The following TTC27 variants were observed in gnomAD, a reference collection of about 807,000 sequenced individuals.
The protein encoded by TTC27 is tetratricopeptide repeat protein 27.
TTC27 carries 79 observed loss-of-function variants against 115.9 expected under a neutral mutation model. The observed-to-expected ratio is 0.68, with a 90% CI of 0.57 to 0.82. The LOEUF is 0.82. TTC27 is among the 40% of genes least tolerant of loss of function. TTC27 has a pLI of 0.00. For missense variants in TTC27, 1,054 were observed against 993.1 expected (o/e 1.06, Z -0.82); for synonymous variants, 401 against 356.0 (o/e 1.13, Z -1.42).
intron 12 of TTC27, among the ~76,000 whole-genome samples, chr2:32,745,655 C>G (rs550344903): frequency 6.6e-6 from 1 of 150,552 alleles, no homozygotes; most frequent in Admixed American, 6.6e-5. Flanking sequence ...TTTTTTTTGC[C>G]TAACTCAGTA....
At chr2:32,654,085 G>T in intron 5 of TTC27, among the ~76,000 whole-genome samples, 1 of 152,070 alleles carries the variant, frequency 6.6e-6, no homozygotes, top group East Asian at 1.9e-4. Flanking sequence ...GTTTGGAAAG[G>T]CCCTTTAGAG....
Position 32,648,554 on chromosome 2 carries a change from G to A in TTC27, c.538-1577G>A, listed in dbSNP as rs190082592. On this transcript the variant is annotated intron_variant, in intron 4 of 19. Coordinates refer to ENST00000317907, the MANE Select transcript of TTC27 (RefSeq NM_017735.5). ...AGCCTCCTGAGTAGCTGGGATTATA[G>A]GTGTGAGGTACCATACCTGGCCATA... 6.3e-3 allele frequency among the ~76,000 whole-genome samples: 961 copies of A among 151,432 alleles called. 10 individuals carry two copies. The highest frequency in any genetic ancestry group is 0.021 in the African/African-American group (874 of 41,270).
intron 16 of TTC27, among the ~76,000 whole-genome samples, chr2:32,798,704 C>CAAAAAAA (rs1168987401): frequency 0.019 from 2,352 of 120,926 alleles, 93 homozygotes; most frequent in African/African-American, 0.069. Flanking sequence ...GACTCCAGCT[C>CAAAAAAA]AAAAAAAAAA....
chr2:32,704,508 T>C (rs1667299773), intron 10 of TTC27, among the ~76,000 whole-genome samples: 1 of 152,096 alleles, frequency 6.6e-6, no homozygotes, highest in Admixed American at 6.6e-5. Flanking sequence ...TTTTATTTTA[T>C]AAAAATTTCA....
intron 10 of TTC27, among the ~76,000 whole-genome samples, chr2:32,707,533 G>C (rs969167372): frequency 7.2e-5 from 11 of 152,046 alleles, no homozygotes; most frequent in Admixed American, 1.3e-4. Flanking sequence ...ATTCTGTCTT[G>C]CTCAAGTCTA....
At chr2:32,750,830 T>C (rs1239027684) in intron 12 of TTC27, among the ~76,000 whole-genome samples, 1 of 152,228 alleles carries the variant, frequency 6.6e-6, no homozygotes, top group East Asian at 1.9e-4. Context: ...TAATAACAAG[T>C]ATTAATACCA....
intron 12 of TTC27, among the ~76,000 whole-genome samples, chr2:32,741,203 C>G (rs1192922970): frequency 6.6e-6 from 1 of 152,180 alleles, no homozygotes; most frequent in African/African-American, 2.4e-5. Context: ...AGATTGCTTT[C>G]TACAGAGAGC....
At chr2:32,635,041 A>G (rs796560373) in intron 3 of TTC27, among the ~76,000 whole-genome samples, 54 of 152,226 alleles carry the variant, frequency 3.5e-4, no homozygotes, top group African/African-American at 1.3e-3. Flanking sequence ...CAAATACTTT[A>G]TTAAAGTTTC....
intron 13 of TTC27, among the ~76,000 whole-genome samples, chr2:32,769,597 G>A (rs769482868): frequency 6.6e-6 from 1 of 152,124 alleles, no homozygotes; most frequent in Non-Finnish European, 1.5e-5. Context: ...AATATTGTAA[G>A]GAGAGAGGGG....
intron 10 of TTC27, among the ~76,000 whole-genome samples, chr2:32,709,648 C>T (rs1487187483): frequency 1.3e-5 from 2 of 151,994 alleles, no homozygotes; most frequent in African/African-American, 4.8e-5. Flanking sequence ...CTGGACCTGT[C>T]CTCTGCCTTC....
At chr2:32,784,528 A>T (rs7607216) in intron 15 of TTC27, among the ~76,000 whole-genome samples, 18,042 of 152,200 alleles carry the variant, frequency 0.12, 1,229 homozygotes, top group Middle Eastern at 0.24. Flanking sequence ...TGCTGTTTCA[A>T]CTGATTCCCC....
At chr2:32,657,353 C>CTTTTTTT (rs988569906) in intron 5 of TTC27, among the ~76,000 whole-genome samples, 1 of 128,328 alleles carries the variant, frequency 7.8e-6, no homozygotes, top group Non-Finnish European at 1.7e-5. Flanking sequence ...CACTGTCTTT[C>CTTTTTTT]TTTTTTTTTT....
At chr2:32,752,385 A>G (rs1176847997) in intron 12 of TTC27, among the ~76,000 whole-genome samples, 3 of 152,172 alleles carry the variant, frequency 2.0e-5, no homozygotes, top group African/African-American at 7.2e-5. Context: ...TACACAAAGG[A>G]ATTTCTGGCA....
chr2:32,665,549 A>C (rs1665739088), intron 6 of TTC27, among the ~76,000 whole-genome samples: 1 of 152,206 alleles, frequency 6.6e-6, no homozygotes, highest in African/African-American at 2.4e-5. Flanking sequence ...GATGTTCACA[A>C]ATATGAGAAT....
intron 3 of TTC27, among the ~76,000 whole-genome samples, 171 bp downstream of exon 3, chr2:32,634,176 C>G (rs1325848463): frequency 1.3e-5 from 2 of 152,104 alleles, no homozygotes; most frequent in African/African-American, 2.4e-5. Flanking sequence ...TCCAGAAGTT[C>G]CTTTGTCAAA....
At chr2:32,790,044 A>T (rs1181225661) in intron 16 of TTC27, among the ~76,000 whole-genome samples, 1 of 134,474 alleles carries the variant, frequency 7.4e-6, no homozygotes, top group Non-Finnish European at 1.6e-5. Flanking sequence ...AAAAAAATCT[A>T]AAAAAAATAG....
chr2:32,786,279 G>C (rs1442629840), intron 15 of TTC27, among the ~76,000 whole-genome samples: 2 of 151,988 alleles, frequency 1.3e-5, no homozygotes, highest in African/African-American at 4.8e-5. Flanking sequence ...ATGCCACCAT[G>C]CCCAGCTGCT....
At chr2:32,687,438 T>C (rs901725729) in intron 9 of TTC27, among the ~76,000 whole-genome samples, 6 of 152,160 alleles carry the variant, frequency 3.9e-5, no homozygotes, top group Non-Finnish European at 7.3e-5. Context: ...GGTAAAATGG[T>C]ATATTTAAAC....
chr2:32,699,491 T>C (rs1338034373), intron 9 of TTC27, among the ~76,000 whole-genome samples: 1 of 152,204 alleles, frequency 6.6e-6, no homozygotes, highest in Non-Finnish European at 1.5e-5. Context: ...GTTAGATTGG[T>C]GTTCTCTCCA....
Sources: gnomAD v4.1 joint callset for allele counts (sites outside exome capture counted in the v4.1 genomes callset) on GRCh38, gnomAD v4.1.1 for gene constraint, MANE v1.5 for transcripts, NCBI Gene and HGNC (gene_info 2026-07-23, HGNC 2026-07-21) for gene names.